CMSS1: variants seen among roughly 807,000 people sequenced by gnomAD.
The protein encoded by CMSS1 is protein CMSS1.
CMSS1 carries 33 observed loss-of-function variants against 43.5 expected under a neutral mutation model. The ratio of observed to expected loss-of-function variants is 0.76; its 90% confidence interval spans 0.57 to 1.01. The LOEUF is 1.01. Ranked by LOEUF, CMSS1 falls within the 50% of genes least tolerant of loss-of-function variation. The pLI is 0.00. For missense variants in CMSS1, 313 were observed against 326.4 expected (o/e 0.96, Z 0.32); for synonymous variants, 115 against 117.2 (o/e 0.98, Z 0.12).
chr3:99,891,554 G>A (rs1483295754), intron 1 of CMSS1, among the ~76,000 whole-genome samples: 2 of 151,926 alleles, frequency 1.3e-5, no homozygotes, highest in East Asian at 1.9e-4. Context: ...TTTTTAATAT[G>A]TGTTGGATTT....
chr3:100,147,265 CTTTTTTT>C (rs71132514), intron 2 of CMSS1, among the ~76,000 whole-genome samples: 13 of 86,834 alleles, frequency 1.5e-4, no homozygotes, highest in African/African-American at 2.7e-4. Flanking sequence ...AATTCTTTTT[CTTTTTTT>C]TTTTTTTTTT....
At chr3:100,145,955 A>C (rs986695553) in intron 1 of CMSS1, among the ~76,000 whole-genome samples, 1 of 152,268 alleles carries the variant, frequency 6.6e-6, no homozygotes, top group Non-Finnish European at 1.5e-5. Flanking sequence ...AAGATTGACC[A>C]TCACAGTATG....
intron 1 of CMSS1, among the ~76,000 whole-genome samples, chr3:99,828,998 TCTC>T (rs1184048971): frequency 2.0e-5 from 3 of 151,398 alleles, no homozygotes; most frequent in African/African-American, 7.3e-5. Flanking sequence ...TCTAGCTCCT[TCTC>T]CTCCTTGAAA....
intron 1 of CMSS1, among the ~76,000 whole-genome samples, chr3:99,867,838 A>G (rs1944596665): frequency 1.3e-5 from 2 of 152,206 alleles, no homozygotes; most frequent in Admixed American, 1.3e-4. Flanking sequence ...TTGGAATTCC[A>G]TGGGATTCAG....
intron 1 of CMSS1, among the ~76,000 whole-genome samples, chr3:99,875,089 G>A (rs1705443263): frequency 6.6e-6 from 1 of 152,222 alleles, no homozygotes; most frequent in South Asian, 2.1e-4. Context: ...GTTTAGACCA[G>A]ATAAGGATTG....
At chr3:99,991,055 G>A (rs1178060816) in intron 1 of CMSS1, among the ~76,000 whole-genome samples, 7 of 152,106 alleles carry the variant, frequency 4.6e-5, no homozygotes, top group East Asian at 1.9e-4. Context: ...ATGAGTTCCC[G>A]TAAGGACAAA....
At chr3:99,864,819 T>C (rs1944432461) in intron 1 of CMSS1, among the ~76,000 whole-genome samples, 1 of 152,152 alleles carries the variant, frequency 6.6e-6, no homozygotes, top group Non-Finnish European at 1.5e-5. Context: ...ACCTCATTAG[T>C]ACCATCTGGC....
intron 5 of CMSS1, among the ~76,000 whole-genome samples, chr3:100,167,038 G>A (rs1457548730): frequency 6.6e-6 from 1 of 152,116 alleles, no homozygotes; most frequent in African/African-American, 2.4e-5. Context: ...ATGAGCTACT[G>A]TGTCTGGCCC....
intron 1 of CMSS1, among the ~76,000 whole-genome samples, chr3:99,843,833 T>A (rs1236279132): frequency 2.6e-5 from 4 of 152,066 alleles, no homozygotes; most frequent in African/African-American, 7.2e-5. Context: ...CTGCCTGAGC[T>A]CTGCCTCCTG....
At chr3:99,986,460 C>T (rs545072315) in intron 1 of CMSS1, among the ~76,000 whole-genome samples, 1 of 152,232 alleles carries the variant, frequency 6.6e-6, no homozygotes, top group South Asian at 2.1e-4. Context: ...TTTAGACATA[C>T]TAGTGACGGT....
At chr3:100,166,542 C>G (rs1345302648) in intron 5 of CMSS1, 148 bp downstream of exon 5, 2 of 600,152 alleles carry the variant, frequency 3.3e-6, no homozygotes, top group East Asian at 2.8e-5. Flanking sequence ...AGTCCCAGGT[C>G]CCCCACCAAT....
intron 1 of CMSS1, among the ~76,000 whole-genome samples, chr3:100,039,552 C>A (rs949370982): frequency 6.6e-6 from 1 of 152,032 alleles, no homozygotes; most frequent in Admixed American, 6.6e-5. Context: ...CCAGGAGTAC[C>A]TTGGAAAAGC....
chr3:99,823,007 G>A, intron 1 of CMSS1, among the ~76,000 whole-genome samples: 1 of 152,104 alleles, frequency 6.6e-6, no homozygotes, highest in East Asian at 1.9e-4. Context: ...TTCATATGCA[G>A]GCAGTCTGAA....
intron 2 of CMSS1, among the ~76,000 whole-genome samples, chr3:100,158,708 A>G (rs1396779683): frequency 2.0e-5 from 3 of 152,214 alleles, no homozygotes; most frequent in African/African-American, 4.8e-5. Flanking sequence ...TTCATCAAGC[A>G]TGTTTCGTTT....
intron 1 of CMSS1, among the ~76,000 whole-genome samples, chr3:99,999,417 G>C (rs192005098): frequency 1.3e-5 from 2 of 152,278 alleles, no homozygotes; most frequent in East Asian, 3.9e-4. Context: ...TGGATGGATG[G>C]GTGGGTGAGT....
At chr3:99,889,719 C>G (rs1706024396) in intron 1 of CMSS1, among the ~76,000 whole-genome samples, 1 of 151,684 alleles carries the variant, frequency 6.6e-6, no homozygotes, top group Non-Finnish European at 1.5e-5. Flanking sequence ...TATTCCTATT[C>G]TATTAGGGAT....
At chr3:99,885,241 T>C (rs1458505208) in intron 1 of CMSS1, among the ~76,000 whole-genome samples, 1 of 152,246 alleles carries the variant, frequency 6.6e-6, no homozygotes, top group African/African-American at 2.4e-5. Context: ...CCAAAGAGAC[T>C]CTTTCAGCCT....
At chr3:99,966,778 G>T (rs1463477271) in intron 1 of CMSS1, among the ~76,000 whole-genome samples, 1 of 152,134 alleles carries the variant, frequency 6.6e-6, no homozygotes, top group East Asian at 1.9e-4. Context: ...AAGTTATATG[G>T]GCCACGTATA....
At position 100,001,501 on chromosome 3, in the gene CMSS1, T is replaced by C. The variant is rs1368377446; in HGVS notation, c.65-145472T>C. On this transcript the variant is annotated intron_variant, in intron 1 of 9. Transcript: ENST00000421999. ...CCCAACTGAGCCCAGTTTATGAGAA[T>C]GTATTGGTGGTTCTGGGATTTTACA... is the stretch of plus-strand genomic sequence containing the variant. Among the ~76,000 whole-genome samples, 3 of 152,342 alleles carry C rather than the reference T, an allele frequency of 2.0e-5. No homozygotes were observed. The East Asian group carries it at 5.8e-4, about 29-fold the overall frequency.
Sources: allele counts gnomAD v4.1 joint callset (sites outside exome capture counted in the v4.1 genomes callset), GRCh38; gene constraint gnomAD v4.1.1; transcripts MANE v1.5; gene names NCBI Gene and HGNC (gene_info 2026-07-23, HGNC 2026-07-21).